Variants in AGBL4 observed in about 807,000 individuals in gnomAD.
AGBL4 encodes the protein AGBL carboxypeptidase 4, also known as cytosolic carboxypeptidase 6.
In AGBL4, 58 loss-of-function variants were observed where a neutral mutation model predicts 66.4. The ratio of observed to expected loss-of-function variants is 0.87; its 90% CI spans 0.71 to 1.09. The LOEUF (loss-of-function observed/expected upper bound fraction) is 1.09, where lower values mean the gene tolerates loss of function less well. Among genes scored for constraint, AGBL4 ranks in the 50% least tolerant of loss-of-function variants. The probability of loss-of-function intolerance (pLI) is 0.00; values close to 1 mark genes in which losing one functional copy is unlikely to be tolerated. For missense variants in AGBL4, 579 were observed against 631.0 expected (o/e 0.92, Z 0.88); for synonymous variants, 234 against 222.9 (o/e 1.05, Z -0.44).
intron 3 of AGBL4, among the ~76,000 whole-genome samples, chr1:49,333,027 CT>C (rs1166996952): frequency 6.6e-6 from 1 of 152,114 alleles, no homozygotes. Context: ...TAATGATGAG[CT>C]TTTTTTCATA....
intron 5 of AGBL4, among the ~76,000 whole-genome samples, chr1:49,015,800 A>C (rs1662777377): frequency 6.6e-6 from 1 of 152,092 alleles, no homozygotes; most frequent in African/African-American, 2.4e-5. Context: ...TAATTTTACA[A>C]AATGCTATTT....
At chr1:49,683,062 C>T (rs912689041) in intron 3 of AGBL4, among the ~76,000 whole-genome samples, 7 of 152,140 alleles carry the variant, frequency 4.6e-5, no homozygotes, top group African/African-American at 1.2e-4. Context: ...GACTGGCCAT[C>T]GTCTTTACTG....
intron 9 of AGBL4, among the ~76,000 whole-genome samples, chr1:48,618,956 G>A (rs771623097): frequency 4.7e-5 from 7 of 150,408 alleles, no homozygotes; most frequent in South Asian, 2.1e-4. Flanking sequence ...AAAAAAAAAC[G>A]GGAAATCAAT....
At chr1:49,385,946 C>G (rs573348999) in intron 3 of AGBL4, among the ~76,000 whole-genome samples, 11 of 152,086 alleles carry the variant, frequency 7.2e-5, no homozygotes, top group African/African-American at 1.4e-4. Context: ...TCTAAAGCAT[C>G]TAGTCACTTA....
At chr1:49,418,253 A>G (rs1645470803) in intron 3 of AGBL4, among the ~76,000 whole-genome samples, 1 of 152,182 alleles carries the variant, frequency 6.6e-6, no homozygotes, top group South Asian at 2.1e-4. Flanking sequence ...AAATGAAAGT[A>G]TAAGAAAGAA....
At chr1:49,153,708 T>C (rs1042748452) in intron 4 of AGBL4, among the ~76,000 whole-genome samples, 1 of 152,050 alleles carries the variant, frequency 6.6e-6, no homozygotes, top group African/African-American at 2.4e-5. Context: ...TAATAATACC[T>C]AAACTCTTTC....
chr1:49,421,774 T>C (rs1645551454), intron 3 of AGBL4, among the ~76,000 whole-genome samples: 1 of 152,208 alleles, frequency 6.6e-6, no homozygotes, highest in Admixed American at 6.5e-5. Flanking sequence ...CTTGACTTTC[T>C]CTGCCATCTT....
At chr1:48,874,453 T>A (rs1162337584) in intron 5 of AGBL4, among the ~76,000 whole-genome samples, 1 of 152,186 alleles carries the variant, frequency 6.6e-6, no homozygotes, top group Admixed American at 6.5e-5. Context: ...ATTCTAAAAT[T>A]AAATTTGCTC....
chr1:49,367,146 T>C (rs1644255293), intron 3 of AGBL4, among the ~76,000 whole-genome samples: 1 of 152,176 alleles, frequency 6.6e-6, no homozygotes, highest in Admixed American at 6.6e-5. Flanking sequence ...GCAGTGCATG[T>C]CACTGGCTGA....
At chr1:48,956,370 A>G (rs750982940) in intron 5 of AGBL4, among the ~76,000 whole-genome samples, 2 of 152,210 alleles carry the variant, frequency 1.3e-5, no homozygotes, top group Non-Finnish European at 2.9e-5. Flanking sequence ...GCAACAGACA[A>G]AATTGCTTTG....
chr1:48,875,599 AGTGTCT>A (rs1489497789), intron 5 of AGBL4, among the ~76,000 whole-genome samples: 2 of 152,176 alleles, frequency 1.3e-5, no homozygotes, highest in African/African-American at 4.8e-5. Context: ...CAGGCATGCA[AGTGTCT>A]TTCATCCCCA....
intron 5 of AGBL4, among the ~76,000 whole-genome samples, chr1:48,948,542 C>A (rs1656709174): frequency 6.6e-6 from 1 of 152,202 alleles, no homozygotes; most frequent in Admixed American, 6.5e-5. Flanking sequence ...GCTCAATAAA[C>A]AGCTGCTTTA....
In AGBL4 at chr1:49,843,220, G is replaced by T. The variant is rs575007670; in HGVS notation, c.157+8176C>A. Among the ~76,000 whole-genome samples the T allele has an allele frequency of 2.0e-5, 3 of 152,200 alleles. No individual in the cohort carries two copies. The South Asian group carries it at 6.2e-4, about 32-fold the overall frequency. On this transcript the variant is annotated intron_variant, in intron 2 of 13. Transcript: ENST00000371839. Reference sequence around the variant, plus strand: ...TGGTTCACAGCAACCTCGACCTTCTGGGCTCGGGTGATCCTCCTGCCTCGG... The same window carrying T: ...TGGTTCACAGCAACCTCGACCTTCTTGGCTCGGGTGATCCTCCTGCCTCGG...
At position 48,573,087 on chromosome 1, in the gene AGBL4, C is replaced by G. The variant is rs557744056; in HGVS notation, c.1267+13917G>C. ...CACCGGCCCAGCGCCTCCTCTAGGC[C>G]CTGCCCCTGCCCCTTCCCTATTCTA... On this transcript the variant is annotated intron_variant, in intron 11 of 13. Coordinates refer to ENST00000371839, the MANE Select transcript of AGBL4 (RefSeq NM_032785.4). 5.3e-5 allele frequency among the ~76,000 whole-genome samples: 8 copies of G among 152,326 alleles called. No homozygotes were observed. The East Asian group carries it at 1.4e-3, about 26-fold the overall frequency.
At chr1:49,083,549 A>T (rs1198917502) in intron 4 of AGBL4, among the ~76,000 whole-genome samples, 1 of 152,162 alleles carries the variant, frequency 6.6e-6, no homozygotes, top group Admixed American at 6.5e-5. Context: ...CAGGGCACCA[A>T]GTCCCCAGAT....
chr1:49,403,163 A>C (rs80287018), intron 3 of AGBL4, among the ~76,000 whole-genome samples: 1 of 152,290 alleles, frequency 6.6e-6, no homozygotes, highest in African/African-American at 2.4e-5. Context: ...TGAGTGCTAC[A>C]GTGTTGGGTG....
intron 4 of AGBL4, among the ~76,000 whole-genome samples, chr1:49,206,814 T>C (rs867881437): frequency 2.1e-5 from 3 of 140,506 alleles, no homozygotes; most frequent in African/African-American, 8.1e-5. Context: ...CTAGGACCAA[T>C]GGGTGAAAAC....
intron 6 of AGBL4, among the ~76,000 whole-genome samples, chr1:48,847,632 C>T (rs1233370258): frequency 1.3e-5 from 2 of 152,150 alleles, no homozygotes; most frequent in African/African-American, 4.8e-5. Flanking sequence ...AGTATTGATT[C>T]CTTTTCTCAT....
intron 5 of AGBL4, among the ~76,000 whole-genome samples, chr1:48,888,371 G>A (rs542785625): frequency 1.6e-4 from 25 of 152,070 alleles, no homozygotes; most frequent in Non-Finnish European, 3.5e-4. Context: ...CCTCAAAACC[G>A]CACTATCCTT....
Sources: allele counts gnomAD v4.1 joint callset (sites outside exome capture counted in the v4.1 genomes callset), GRCh38; gene constraint gnomAD v4.1.1; transcripts MANE v1.5; gene names NCBI Gene and HGNC (gene_info 2026-07-23, HGNC 2026-07-21).